FAM13A: variants seen among roughly 807,000 people sequenced by gnomAD.
FAM13A encodes protein FAM13A.
In FAM13A, 76 loss-of-function variants were observed where a neutral mutation model predicts 129.6. The ratio of observed to expected loss-of-function variants is 0.59; its 90% CI spans 0.49 to 0.71. The LOEUF is 0.71. Ranked by LOEUF, FAM13A falls within the 30% of genes least tolerant of loss-of-function variation. The pLI is 0.00. For missense variants in FAM13A, 1,108 were observed against 1,249.3 expected (o/e 0.89, Z 1.70); for synonymous variants, 443 against 449.9 (o/e 0.98, Z 0.20).
chr4:88,819,418 A>G (rs1181749496), intron 7 of FAM13A, among the ~76,000 whole-genome samples: 1 of 152,210 alleles, frequency 6.6e-6, no homozygotes, highest in Non-Finnish European at 1.5e-5. Context: ...TACTGCAATG[A>G]AAGTTGAGAG....
intron 4 of FAM13A, chr4:88,990,163 C>G (rs539136234): frequency 6.6e-6 from 1 of 152,124 alleles, no homozygotes; most frequent in Non-Finnish European, 1.5e-5. Flanking sequence ...CCTGTAGTCA[C>G]TAGGATCTAA....
At chr4:88,827,411 T>C (rs578204160) in intron 7 of FAM13A, among the ~76,000 whole-genome samples, 8 of 152,338 alleles carry the variant, frequency 5.3e-5, no homozygotes, top group African/African-American at 1.7e-4. Context: ...AGTGCAAACT[T>C]GGGCAGGTTG....
chr4:88,985,897 G>A (rs1762177604), intron 4 of FAM13A, among the ~76,000 whole-genome samples: 1 of 147,304 alleles, frequency 6.8e-6, no homozygotes, highest in South Asian at 2.1e-4. Flanking sequence ...CAGATAAAAA[G>A]CAAAGTGAAG....
At chr4:88,775,754 G>A (rs886191555) in intron 11 of FAM13A, among the ~76,000 whole-genome samples, 2 of 152,124 alleles carry the variant, frequency 1.3e-5, no homozygotes, top group African/African-American at 4.8e-5. Flanking sequence ...TGTTCAACAT[G>A]TGTGATGGTA....
At chr4:88,969,257 T>C (rs2148943781) in intron 4 of FAM13A, among the ~76,000 whole-genome samples, 1 of 152,286 alleles carries the variant, frequency 6.6e-6, no homozygotes, top group African/African-American at 2.4e-5. Context: ...AATTTCTGTG[T>C]TAAATATACG....
At chr4:88,967,833 A>G (rs1759545114) in intron 4 of FAM13A, among the ~76,000 whole-genome samples, 1 of 152,180 alleles carries the variant, frequency 6.6e-6, no homozygotes. Context: ...TGGAGATGAA[A>G]TCAGTTGATA....
At chr4:89,007,692 C>T (rs6824116) in intron 3 of FAM13A, among the ~76,000 whole-genome samples, 10,032 of 152,244 alleles carry the variant, frequency 0.066, 455 homozygotes, top group South Asian at 0.14. Flanking sequence ...GGGTAAGTAA[C>T]TTGGCCATAC....
At position 89,054,044 on chromosome 4, in the gene FAM13A, A is replaced by C. The variant is rs572804878; in HGVS notation, c.27+2894T>G. ...CAGAATAGGTGGTTTACTGAAAATAAAATAGATTTGTTACAGTAAAGCAGC... is the reference window on the plus strand; with the variant it reads ...CAGAATAGGTGGTTTACTGAAAATACAATAGATTTGTTACAGTAAAGCAGC... On this transcript the variant is annotated intron_variant, in intron 1 of 23. Coordinates refer to ENST00000264344, the MANE Select transcript of FAM13A (RefSeq NM_014883.4). Among the ~76,000 whole-genome samples the C allele has an allele frequency of 1.4e-3, 215 of 152,314 alleles. 2 individuals carry two copies. Among genetic ancestry groups the C allele is most frequent in the African/African-American group, 5.0e-3 (208 of 41,566 alleles).
At chr4:88,739,001 TACCA>T in intron 20 of FAM13A, 25 bp downstream of exon 20, 1 of 1,439,054 alleles carries the variant, frequency 6.9e-7, no homozygotes, top group Non-Finnish European at 9.8e-7. Flanking sequence ...AAAGGTGTTG[TACCA>T]GCCACGGGAA....
intron 22 of FAM13A, 55 bp downstream of exon 22, chr4:88,731,947 T>G: frequency 1.5e-6 from 2 of 1,371,118 alleles, no homozygotes; most frequent in African/African-American, 2.9e-5. Flanking sequence ...TAAGATAATA[T>G]TTAAGTGAGC....
At chr4:88,822,996 A>C (rs1453968939) in intron 7 of FAM13A, 7 of 1,613,594 alleles carry the variant, frequency 4.3e-6, no homozygotes, top group African/African-American at 4.0e-5. Context: ...GCATGATTTC[A>C]CAAGCCATTC....
rs552406045 is a variant in FAM13A at position 89,030,350 on chromosome 4, C to T, written c.28-701G>A. Among the ~76,000 whole-genome samples the T allele has an allele frequency of 3.3e-5, 5 of 152,096 alleles. No individual in the cohort carries two copies. The South Asian group carries it at 1.0e-3, about 32-fold the overall frequency. ...CAAGTTAATAACATAATGAAAAATT[C>T]ATAAGAGTTTGTTTCTTCCTTGTAA... On this transcript the variant is annotated intron_variant, in intron 1 of 23. Coordinates refer to ENST00000264344, the MANE Select transcript of FAM13A (RefSeq NM_014883.4).
At chr4:88,741,188 A>G (rs1011704583) in intron 19 of FAM13A, among the ~76,000 whole-genome samples, 1 of 152,230 alleles carries the variant, frequency 6.6e-6, no homozygotes, top group African/African-American at 2.4e-5. Context: ...ATCAAAAGAC[A>G]TATGTAAGAA....
chr4:89,006,252 G>C (rs1764993847), intron 3 of FAM13A, among the ~76,000 whole-genome samples: 1 of 152,170 alleles, frequency 6.6e-6, no homozygotes, highest in African/African-American at 2.4e-5. Flanking sequence ...TCTCTATTCT[G>C]TTCCATTGGT....
At chr4:88,960,666 C>T (rs1480224934) in intron 4 of FAM13A, among the ~76,000 whole-genome samples, 1 of 152,136 alleles carries the variant, frequency 6.6e-6, no homozygotes, top group Non-Finnish European at 1.5e-5. Context: ...AAGAAAGACA[C>T]AGAGGTATCC....
intron 4 of FAM13A, among the ~76,000 whole-genome samples, chr4:88,970,444 G>T (rs181414099): frequency 1.9e-3 from 276 of 148,638 alleles, no homozygotes; most frequent in Middle Eastern, 0.011. Flanking sequence ...GAGAGAGAGA[G>T]ATATATATAT....
intron 1 of FAM13A, among the ~76,000 whole-genome samples, chr4:89,037,745 G>T (rs895297523): frequency 2.0e-5 from 3 of 152,094 alleles, no homozygotes; most frequent in Non-Finnish European, 4.4e-5. Context: ...ATTAGACTGG[G>T]GGGTGGATGG....
chr4:88,873,703 T>A lies in FAM13A; in HGVS notation c.844-22520A>T, dbSNP rs555513148. Among the ~76,000 whole-genome samples, 149 of 152,106 alleles carry A rather than the reference T, an allele frequency of 9.8e-4. 1 individual carries two copies. The highest frequency in any genetic ancestry group is 3.2e-4 in the Non-Finnish European group (22 of 67,990). ...CCAGATGGATTCACAGCCGAATTCT[T>A]CCAGAGGTACAAAGAGGAGCTGGTA... is the stretch of plus-strand genomic sequence containing the variant. On this transcript the variant is annotated intron_variant, in intron 6 of 23. Transcript: ENST00000264344.
intron 6 of FAM13A, among the ~76,000 whole-genome samples, chr4:88,872,093 G>C (rs1741513406): frequency 6.6e-6 from 1 of 152,122 alleles, no homozygotes; most frequent in African/African-American, 2.4e-5. Flanking sequence ...ACAAGCAAAG[G>C]CTGAGAGATT....
Sources: allele counts gnomAD v4.1 joint callset (sites outside exome capture counted in the v4.1 genomes callset), GRCh38; gene constraint gnomAD v4.1.1; transcripts MANE v1.5; gene names NCBI Gene and HGNC (gene_info 2026-07-23, HGNC 2026-07-21).